BCKDHB: variants seen among roughly 807,000 people sequenced by gnomAD.
BCKDHB encodes branched chain keto acid dehydrogenase E1 subunit beta.
A neutral mutation model predicts 48.5 loss-of-function variants in BCKDHB; 41 were observed. The observed-to-expected ratio is 0.85, with a 90% CI of 0.66 to 1.10. The LOEUF (loss-of-function observed/expected upper bound fraction) is 1.10, where lower values mean the gene tolerates loss of function less well. Among genes scored for constraint, BCKDHB ranks in the 50% least tolerant of loss-of-function variants. The pLI is 0.00. For missense variants in BCKDHB, 496 were observed against 494.2 expected, an observed-to-expected ratio of 1.00 and a Z score of -0.03; for synonymous variants, 201 against 174.8, an observed-to-expected ratio of 1.15 and a Z score of -1.18.
Position 80,201,903 on chromosome 6 carries a change from A to G in BCKDHB, c.840+872A>G, listed in dbSNP as rs116458102. 9.4e-3 allele frequency among the ~76,000 whole-genome samples: 1,429 copies of G among 152,258 alleles called. 30 individuals carry two copies. Among genetic ancestry groups the G allele is most frequent in the African/African-American group, 0.033 (1,355 of 41,546 alleles). On this transcript the variant is annotated intron_variant, in intron 7 of 9. Coordinates refer to ENST00000320393, the MANE Select transcript of BCKDHB (RefSeq NM_183050.4). ...AAGAAGATAACAAAAATAGTTTTCA[A>G]TATCACAAGCTCCTACTCTCCTTTC...
At chr6:80,152,031 T>G (rs1771810446) in intron 3 of BCKDHB, among the ~76,000 whole-genome samples, 1 of 152,202 alleles carries the variant, frequency 6.6e-6, no homozygotes, top group African/African-American at 2.4e-5. Flanking sequence ...TTCAATGGCT[T>G]GCCCTTAAAT....
At chr6:80,436,596 TAA>T in the BCKDHB span, among the ~76,000 whole-genome samples, 1 of 152,196 alleles carries the variant, frequency 6.6e-6, no homozygotes, top group African/African-American at 2.4e-5. Context: ...AAAAATGGTT[TAA>T]GTGTCACCTC....
intron 3 of BCKDHB, among the ~76,000 whole-genome samples, chr6:80,131,461 C>G (rs73750057): frequency 0.012 from 1,755 of 152,036 alleles, 35 homozygotes; most frequent in African/African-American, 0.04. Context: ...TCTAATCTGG[C>G]CCCTCCTTTC....
the BCKDHB span, among the ~76,000 whole-genome samples, chr6:80,434,367 A>T: frequency 2.0e-5 from 3 of 151,538 alleles, no homozygotes; most frequent in African/African-American, 7.3e-5. Flanking sequence ...AATACTCTAC[A>T]AAGTAGAGTA....
At position 80,162,280 on chromosome 6, in the gene BCKDHB, A is replaced by G. The variant is rs529542382; in HGVS notation, c.344-5398A>G. Among the ~76,000 whole-genome samples the G allele has an allele frequency of 2.0e-5, 3 of 152,282 alleles. No homozygotes were observed. The South Asian group carries it at 6.2e-4, about 32-fold the overall frequency. ...GCATTTTACTGAAAGGATAGATGCC[A>G]CTAATAAGAACTTGGATAAGCTCTT... On this transcript the variant is annotated intron_variant, in intron 3 of 9. Transcript: ENST00000320393.
At chr6:80,274,713 T>G (rs971129061) in intron 9 of BCKDHB, among the ~76,000 whole-genome samples, 1 of 152,064 alleles carries the variant, frequency 6.6e-6, no homozygotes, top group Non-Finnish European at 1.5e-5. Context: ...ACTCCTCTTG[T>G]GAAGTTTGCT....
At chr6:80,439,567 T>C in the BCKDHB span, among the ~76,000 whole-genome samples, 1 of 152,206 alleles carries the variant, frequency 6.6e-6, no homozygotes, top group Non-Finnish European at 1.5e-5. Context: ...CCAAGATACC[T>C]CAAATTGTCA....
chr6:80,448,194 T>C, the BCKDHB span, among the ~76,000 whole-genome samples: 4 of 152,084 alleles, frequency 2.6e-5, no homozygotes, highest in African/African-American at 9.7e-5. Flanking sequence ...ACTGGAAGAC[T>C]TTTGTATGTT....
intron 6 of BCKDHB, among the ~76,000 whole-genome samples, chr6:80,185,532 C>T (rs1773602906): frequency 6.6e-6 from 1 of 152,032 alleles, no homozygotes; most frequent in African/African-American, 2.4e-5. Flanking sequence ...TTTTCTGGTT[C>T]CTTCTCATTT....
chr6:80,132,454 T>C (rs1201631806), intron 3 of BCKDHB, among the ~76,000 whole-genome samples: 1 of 152,200 alleles, frequency 6.6e-6, no homozygotes, highest in Non-Finnish European at 1.5e-5. Flanking sequence ...TTAGACAGTG[T>C]CCTACTGTCT....
the BCKDHB span, among the ~76,000 whole-genome samples, chr6:80,351,600 T>C: frequency 6.6e-6 from 1 of 151,916 alleles, no homozygotes; most frequent in African/African-American, 2.4e-5. Context: ...ATCAGAGCCC[T>C]TCTTAAAGAT....
At chr6:80,143,733 C>T (rs1296978910) in intron 3 of BCKDHB, among the ~76,000 whole-genome samples, 1 of 152,168 alleles carries the variant, frequency 6.6e-6, no homozygotes, top group Non-Finnish European at 1.5e-5. Context: ...GCGGCTTTAG[C>T]AGTGAAATGC....
chr6:80,376,294 T>C, the BCKDHB span, among the ~76,000 whole-genome samples: 145,339 of 152,086 alleles, frequency 0.96, 69,813 homozygotes, highest in Middle Eastern at 1. Flanking sequence ...GGGGGAAAGC[T>C]GGCAGACACA....
chr6:80,280,381 T>C (rs889221772), intron 9 of BCKDHB, among the ~76,000 whole-genome samples: 1 of 152,188 alleles, frequency 6.6e-6, no homozygotes, highest in Non-Finnish European at 1.5e-5. Context: ...TCCTAGGTAG[T>C]TGTGTAGAGG....
chr6:80,378,328 G>A, the BCKDHB span, among the ~76,000 whole-genome samples: 3 of 152,076 alleles, frequency 2.0e-5, no homozygotes, highest in African/African-American at 7.2e-5. Flanking sequence ...ATGAGAACAC[G>A]TGATATTTGA....
chr6:80,271,374 A>G (rs550011918), intron 8 of BCKDHB, among the ~76,000 whole-genome samples: 8 of 152,226 alleles, frequency 5.3e-5, no homozygotes, highest in African/African-American at 1.7e-4. Context: ...TCTGCTTACA[A>G]ATCATGTTGA....
the BCKDHB span, among the ~76,000 whole-genome samples, chr6:80,456,339 A>G: frequency 3.5e-4 from 54 of 152,264 alleles, no homozygotes; most frequent in South Asian, 6.2e-4. Flanking sequence ...TGCAACAACA[A>G]AATCCAAGGT....
intron 9 of BCKDHB, among the ~76,000 whole-genome samples, chr6:80,291,646 C>G (rs911370654): frequency 2.6e-5 from 4 of 152,144 alleles, no homozygotes; most frequent in African/African-American, 4.8e-5. Flanking sequence ...TCTACATTAT[C>G]CATCCCTTTT....
chr6:80,315,670 A>G (rs1768412067), intron 9 of BCKDHB, among the ~76,000 whole-genome samples: 2 of 151,660 alleles, frequency 1.3e-5, no homozygotes, highest in South Asian at 2.1e-4. Flanking sequence ...CCAGGTTTGA[A>G]TGCAGTGGCA....
Sources: allele counts gnomAD v4.1 joint callset (sites outside exome capture counted in the v4.1 genomes callset), GRCh38; gene constraint gnomAD v4.1.1; transcripts MANE v1.5; gene names NCBI Gene and HGNC (gene_info 2026-07-23, HGNC 2026-07-21).